The following DHRSX variants were observed in gnomAD, a reference collection of about 807,000 sequenced individuals.
The protein encoded by DHRSX is dehydrogenase/reductase X-linked, also known as polyprenol dehydrogenase.
A neutral mutation model predicts 34.0 loss-of-function variants in DHRSX; 31 were observed. That is an observed-to-expected ratio of 0.91 (90% CI 0.69 to 1.23). The LOEUF (loss-of-function observed/expected upper bound fraction) is 1.23, where lower values mean the gene tolerates loss of function less well. Among genes scored for constraint, DHRSX ranks in the 50% most tolerant of loss-of-function variants. The pLI is 0.00. For missense variants in DHRSX, 414 were observed against 428.1 expected (o/e 0.97, Z 0.29); for synonymous variants, 201 against 183.8 (o/e 1.09, Z -0.76).
intron 3 of DHRSX, among the ~76,000 whole-genome samples, chrX:2,383,419 A>T (rs2043236934): frequency 6.6e-6 from 1 of 151,844 alleles, no homozygotes; most frequent in Non-Finnish European, 1.5e-5. Context: ...CATCATCATC[A>T]CCATCATCAC....
chrX:2,352,967 G>A (rs1030116869), intron 3 of DHRSX, among the ~76,000 whole-genome samples: 32 of 152,276 alleles, frequency 2.1e-4, no homozygotes, highest in African/African-American at 7.7e-4. Flanking sequence ...CAGGCTGGAC[G>A]CAGTGGCTCC....
intron 3 of DHRSX, among the ~76,000 whole-genome samples, chrX:2,325,588 G>C (rs2042376073): frequency 6.6e-6 from 1 of 151,928 alleles, no homozygotes. Context: ...CCTTTCCTGT[G>C]GGCTATGTAA....
intron 3 of DHRSX, among the ~76,000 whole-genome samples, chrX:2,352,350 T>C (rs553373904): frequency 1.3e-5 from 2 of 152,172 alleles, no homozygotes; most frequent in African/African-American, 4.8e-5. Context: ...GAAACATCAG[T>C]GATCCGCAAG....
intron 3 of DHRSX, among the ~76,000 whole-genome samples, chrX:2,360,440 A>G (rs1239764440): frequency 3.9e-5 from 6 of 152,008 alleles, no homozygotes; most frequent in Non-Finnish European, 8.8e-5. Context: ...AAAATGAGCC[A>G]GGTGTGGTGG....
At chrX:2,387,607 C>A (rs1432866705) in intron 3 of DHRSX, among the ~76,000 whole-genome samples, 1 of 152,010 alleles carries the variant, frequency 6.6e-6, no homozygotes, top group Non-Finnish European at 1.5e-5. Flanking sequence ...ATGGTGGCCA[C>A]CCAGATGATT....
chrX:2,481,251 CAGTTTCGAGG>C (rs2044766141), intron 1 of DHRSX, among the ~76,000 whole-genome samples: 1 of 152,116 alleles, frequency 6.6e-6, no homozygotes, highest in South Asian at 2.1e-4. Context: ...AAACAAGTCC[CAGTTTCGAGG>C]ACAGCTGTGA....
intron 4 of DHRSX, among the ~76,000 whole-genome samples, chrX:2,268,551 G>A (rs1298380732): frequency 6.6e-6 from 1 of 152,156 alleles, no homozygotes; most frequent in Non-Finnish European, 1.5e-5. Context: ...ATGTTAGCAT[G>A]TACATATGTG....
rs573381929 is a variant in DHRSX at position 2,459,449 on chromosome X, A to G, written c.110-34145T>C. 1.3e-3 allele frequency among the ~76,000 whole-genome samples: 201 copies of G among 151,302 alleles called. 1 individual carries two copies. Among genetic ancestry groups the G allele is most frequent in the Middle Eastern group, 6.8e-3 (2 of 292 alleles). On this transcript the variant is annotated intron_variant, in intron 1 of 6. Transcript: ENST00000334651. ...TTAATGTTAATTAGCTTCATTGCTA[A>G]TATGGTAACTAGCTTGGTTTAATCA...
intron 3 of DHRSX, among the ~76,000 whole-genome samples, chrX:2,374,002 C>T (rs1397287552): frequency 1.3e-5 from 2 of 152,218 alleles, no homozygotes; most frequent in Non-Finnish European, 2.9e-5. Context: ...GTTTGAGAAA[C>T]AGTCGTGCAT....
In DHRSX at chrX:2,386,988, G is replaced by A. The variant is rs183091094; in HGVS notation, c.286+21757C>T. Among the ~76,000 whole-genome samples, 328 of 151,416 alleles carry A rather than the reference G, an allele frequency of 2.2e-3. 3 individuals carry two copies. The South Asian group carries it at 0.034, about 16-fold the overall frequency. ...CCTAATTTTACTTTATTTCTTAGAG[G>A]CCCAGTCATCATTTGCTTTTTTATT... On this transcript the variant is annotated intron_variant, in intron 3 of 6. Coordinates refer to ENST00000334651, the MANE Select transcript of DHRSX (RefSeq NM_145177.3).
intron 5 of DHRSX, among the ~76,000 whole-genome samples, chrX:2,249,513 CTTTTT>C (rs753035485): frequency 0.035 from 2,417 of 69,960 alleles, 75 homozygotes; most frequent in African/African-American, 0.085. Flanking sequence ...CTTTTTGTGC[CTTTTT>C]TTTTTTTTTT....
At chrX:2,463,138 G>C (rs1003289045) in intron 1 of DHRSX, among the ~76,000 whole-genome samples, 4 of 152,152 alleles carry the variant, frequency 2.6e-5, no homozygotes, top group Admixed American at 2.0e-4. Flanking sequence ...CTTCAGAACT[G>C]TGAGTGATAA....
chrX:2,338,786 T>C (rs1265990635), intron 3 of DHRSX, among the ~76,000 whole-genome samples: 3 of 151,972 alleles, frequency 2.0e-5, no homozygotes, highest in Non-Finnish European at 4.4e-5. Flanking sequence ...ATAAACCTCT[T>C]TCCTCTATAA....
chrX:2,439,231 A>C (rs1384877994), intron 1 of DHRSX, among the ~76,000 whole-genome samples: 1 of 152,162 alleles, frequency 6.6e-6, no homozygotes, highest in Non-Finnish European at 1.5e-5. Context: ...AATAAAATTT[A>C]AGAGGTCATT....
At chrX:2,457,681 G>C (rs1281089611) in intron 1 of DHRSX, among the ~76,000 whole-genome samples, 1 of 150,080 alleles carries the variant, frequency 6.7e-6, no homozygotes. Context: ...TAAGCATGTG[G>C]TTAAAGGACT....
intron 3 of DHRSX, among the ~76,000 whole-genome samples, chrX:2,293,172 G>A (rs1318681572): frequency 6.6e-6 from 1 of 151,616 alleles, no homozygotes; most frequent in Non-Finnish European, 1.5e-5. Flanking sequence ...ATTGTATTCA[G>A]TATATCAACT....
intron 3 of DHRSX, among the ~76,000 whole-genome samples, chrX:2,363,189 T>C (rs1320297289): frequency 8.1e-6 from 1 of 122,920 alleles, no homozygotes. Flanking sequence ...ATCACCGTTC[T>C]ATGGTATCAT....
At chrX:2,303,853 G>GGA (rs1569485732) in intron 3 of DHRSX, among the ~76,000 whole-genome samples, 43 of 31,610 alleles carry the variant, frequency 1.4e-3, no homozygotes, top group African/African-American at 2.3e-3. Context: ...GGATGGATGG[G>GGA]TGGATGGGTG....
At chrX:2,369,449 C>T (rs763965151) in intron 3 of DHRSX, among the ~76,000 whole-genome samples, 4 of 152,052 alleles carry the variant, frequency 2.6e-5, no homozygotes, top group South Asian at 2.1e-4. Context: ...GTGGAGTATT[C>T]GTGAGGGGCT....
Sources: allele counts gnomAD v4.1 joint callset (sites outside exome capture counted in the v4.1 genomes callset), GRCh38; gene constraint gnomAD v4.1.1; transcripts MANE v1.5; gene names NCBI Gene and HGNC (gene_info 2026-07-23, HGNC 2026-07-21).